CACNA1E: variants seen among roughly 807,000 people sequenced by gnomAD.
CACNA1E encodes calcium voltage-gated channel subunit alpha1 E.
CACNA1E carries 40 observed loss-of-function variants against 259.2 expected under a neutral mutation model. That is an observed-to-expected ratio of 0.15 (90% CI 0.12 to 0.20). The LOEUF (loss-of-function observed/expected upper bound fraction) is 0.20. Among genes scored for constraint, CACNA1E ranks in the 10% least tolerant of loss-of-function variants. The pLI is 1.00. For missense variants in CACNA1E, 1,874 were observed against 3,040.1 expected (o/e 0.62, Z 9.02); for synonymous variants, 1,104 against 1,138.5 (o/e 0.97, Z 0.61).
At chr1:181,459,018 A>G (rs1661639154) in intron 2 of CACNA1E, among the ~76,000 whole-genome samples, 1 of 152,270 alleles carries the variant, frequency 6.6e-6, no homozygotes, top group Admixed American at 6.5e-5. Context: ...AGATAGATCA[A>G]TAACAAATAG....
intron 38 of CACNA1E, among the ~76,000 whole-genome samples, chr1:181,778,963 G>A (rs1660189238): frequency 6.6e-6 from 1 of 152,246 alleles, no homozygotes; most frequent in Non-Finnish European, 1.5e-5. Flanking sequence ...ACTGCAGAAA[G>A]CCGCTGACTT....
chr1:181,539,183 T>C (rs1668396137), intron 3 of CACNA1E, among the ~76,000 whole-genome samples: 1 of 152,230 alleles, frequency 6.6e-6, no homozygotes, highest in African/African-American at 2.4e-5. Flanking sequence ...CATTTCCTTC[T>C]ATTTTCCGTT....
At chr1:181,530,871 A>G (rs1355136340) in intron 3 of CACNA1E, among the ~76,000 whole-genome samples, 1 of 152,222 alleles carries the variant, frequency 6.6e-6, no homozygotes, top group Non-Finnish European at 1.5e-5. Context: ...GAGAAGAGAA[A>G]GAATAAGAAA....
At chr1:181,725,755 C>A (rs2102507659) in intron 17 of CACNA1E, among the ~76,000 whole-genome samples, 1 of 152,352 alleles carries the variant, frequency 6.6e-6, no homozygotes, top group Non-Finnish European at 1.5e-5. Flanking sequence ...CAGCCATAGC[C>A]AGCTCCACTG....
chr1:181,721,614 CTT>C (rs371501501), intron 15 of CACNA1E, 142 bp from the exon 16 acceptor site: 4,232 of 430,718 alleles, frequency 9.8e-3, no homozygotes, highest in South Asian at 0.016. Context: ...ATGGAAATGA[CTT>C]TTTTTTTTTT....
intron 2 of CACNA1E, among the ~76,000 whole-genome samples, chr1:181,446,260 C>T (rs1660782608): frequency 6.6e-6 from 1 of 152,182 alleles, no homozygotes; most frequent in Non-Finnish European, 1.5e-5. Context: ...CCATCCTGCC[C>T]TTGCAGCACA....
chr1:181,395,908 A>C (rs1273457181), intron 1 of CACNA1E, among the ~76,000 whole-genome samples: 1 of 152,232 alleles, frequency 6.6e-6, no homozygotes, highest in Non-Finnish European at 1.5e-5. Context: ...ATCACTCAAA[A>C]ACTTAGCAGC....
intron 2 of CACNA1E, among the ~76,000 whole-genome samples, chr1:181,458,743 T>C (rs1661613501): frequency 6.6e-6 from 1 of 152,338 alleles, no homozygotes; most frequent in South Asian, 2.1e-4. Flanking sequence ...TGCATTATTG[T>C]TTGCCTTTCT....
chr1:181,666,153 A>C (rs1000432056), intron 7 of CACNA1E, among the ~76,000 whole-genome samples: 3 of 152,166 alleles, frequency 2.0e-5, no homozygotes, highest in Non-Finnish European at 2.9e-5. Context: ...TCCCTGCTGT[A>C]ATGCAGCCTG....
rs921910989 is a variant in CACNA1E at position 181,485,612 on chromosome 1, C to T, written c.266+1602C>T. ...ATCTAGCTAGGGTGGAGGTTTCGGGCGGGGGAGGGGTCGGGTCCCTGCAGT... is the reference window on the plus strand; with the variant it reads ...ATCTAGCTAGGGTGGAGGTTTCGGGTGGGGGAGGGGTCGGGTCCCTGCAGT... On this transcript the variant is annotated intron_variant, in intron 1 of 47. Transcript: ENST00000367573. This position sits in a 1 kb window ranked among gnomAD's most constrained non-coding sequence, Gnocchi z 4.2. Among the ~76,000 whole-genome samples, 2 of 152,114 alleles carry T rather than the reference C, an allele frequency of 1.3e-5. No individual in the cohort carries two copies. The highest frequency in any genetic ancestry group is 2.4e-5 in the African/African-American group (1 of 41,432).
At position 181,718,177 on chromosome 1, in the gene CACNA1E, C is replaced by A. The variant is rs371576889; in HGVS notation, c.1638+10C>A. The A allele has an allele frequency of 2.8e-5, 39 of 1,417,512 alleles. No homozygotes were observed. In the Admixed American group the frequency reaches 6.1e-4, roughly 22 times the overall value. The allele number at this position is 1,417,512 out of a possible 1,614,324, so 87.8% of individuals were successfully genotyped here. A position where few individuals can be genotyped will look rare whatever the true frequency, so the allele number is the denominator to read the frequency against. Reference sequence around the variant, plus strand: ...CTGCTTTGATTTTGGGGTAAGTCCTCGGAAGCCTGCCTCTGCTCCTGCTTC... The same window carrying A: ...CTGCTTTGATTTTGGGGTAAGTCCTAGGAAGCCTGCCTCTGCTCCTGCTTC... On this transcript the variant is annotated intron_variant, in intron 12 of 47. Transcript: ENST00000367573.
intron 1 of CACNA1E, among the ~76,000 whole-genome samples, chr1:181,358,077 G>A (rs1028735235): frequency 2.6e-5 from 4 of 152,142 alleles, no homozygotes; most frequent in African/African-American, 7.2e-5. Context: ...ACTGAGGAGA[G>A]TAGAGGGGTT....
intron 2 of CACNA1E, among the ~76,000 whole-genome samples, chr1:181,475,606 C>T (rs4145895): frequency 0.025 from 3,831 of 152,170 alleles, 119 homozygotes; most frequent in African/African-American, 0.08. Flanking sequence ...TACTATGGTA[C>T]GTGAGGAGAT....
chr1:181,499,313 C>T lies in CACNA1E; in HGVS notation c.267-11164C>T, dbSNP rs571867604. Among the ~76,000 whole-genome samples the T allele has an allele frequency of 3.9e-5, 6 of 152,282 alleles. No individual in the cohort carries two copies. In the East Asian group the frequency reaches 1.2e-3, roughly 29 times the overall value. On this transcript the variant is annotated intron_variant, in intron 1 of 47. Transcript: ENST00000367573. Reference sequence around the variant, plus strand: ...TACTCCTGGGAAGGAGGAAGCAGCTCAAATAAAAAGATCTTTAGATCCCTT... The same window carrying T: ...TACTCCTGGGAAGGAGGAAGCAGCTTAAATAAAAAGATCTTTAGATCCCTT...
chr1:181,766,455 A>G, intron 34 of CACNA1E, 91 bp from the exon 35 acceptor site: 1 of 885,480 alleles, frequency 1.1e-6, no homozygotes, highest in Non-Finnish European at 1.9e-6. Context: ...ATTAGCCTCC[A>G]GGCAAGATCC....
In CACNA1E at chr1:181,732,405, C is replaced by A. The variant is rs767670302; in HGVS notation, c.2319C>A (p.His773Gln). The A allele has an allele frequency of 1.3e-6, 2 of 1,539,214 alleles. No individual in the cohort carries two copies. Among genetic ancestry groups the A allele is most frequent in the South Asian group, 2.4e-5 (2 of 81,690 alleles). The change falls in exon 20 of 48, where the codon CAC becomes CAA. Residue 773 changes from histidine (H) to glutamine (Q), a missense_variant. Transcript: ENST00000367573. The surrounding 1 kb of genome is among the most constrained non-coding windows in gnomAD (Gnocchi z 5.5). Reference protein sequence around the residue: ...SSHLRERRRRHHMSVWEQRTS... With the variant: ...SSHLRERRRRQHMSVWEQRTS... ...GCAGGAGGGAGCGGAGGCGCCGGCA[C>A]CACATGTCCGTGTGGGAGCAGCGTA...
chr1:181,457,102 A>C (rs1297081049), intron 2 of CACNA1E, among the ~76,000 whole-genome samples: 1 of 152,224 alleles, frequency 6.6e-6, no homozygotes, highest in Non-Finnish European at 1.5e-5. Flanking sequence ...ATAGTTCTGG[A>C]GGCTGGGAAG....
intron 1 of CACNA1E, among the ~76,000 whole-genome samples, chr1:181,508,147 T>TTGTGTATG (rs1553265258): frequency 6.7e-6 from 1 of 148,852 alleles, no homozygotes; most frequent in Admixed American, 6.7e-5. Context: ...CCCAAACGCC[T>TTGTGTATG]TGTGTGTGTG....
At chr1:181,743,450 C>T (rs1345107835) in intron 25 of CACNA1E, among the ~76,000 whole-genome samples, 1 of 152,246 alleles carries the variant, frequency 6.6e-6, no homozygotes, top group Non-Finnish European at 1.5e-5. Context: ...CTTGGCATTT[C>T]TGGGGATCTG....
Sources: gnomAD v4.1 joint callset for allele counts (sites outside exome capture counted in the v4.1 genomes callset) on GRCh38, gnomAD v4.1.1 for gene constraint, Gnocchi (gnomAD v3.1) non-coding constraint, MANE v1.5 for transcripts, NCBI Gene and HGNC (gene_info 2026-07-23, HGNC 2026-07-21) for gene names.